SNCAIP: variants seen among roughly 807,000 people sequenced by gnomAD.
The protein encoded by SNCAIP is synphilin-1.
A neutral mutation model predicts 86.7 loss-of-function variants in SNCAIP; 43 were observed. The ratio of observed to expected loss-of-function variants is 0.50; its 90% CI spans 0.39 to 0.64. The LOEUF (loss-of-function observed/expected upper bound fraction) is 0.64. Among genes scored for constraint, SNCAIP ranks in the 30% least tolerant of loss-of-function variants. The pLI is 0.00. For synonymous variants in SNCAIP, 417 were observed against 427.2 expected (o/e 0.98, Z 0.29); for missense variants, 981 against 1,103.1 (o/e 0.89, Z 1.57).
At chr5:122,446,860 G>C (rs889195813) in intron 8 of SNCAIP, among the ~76,000 whole-genome samples, 13 of 152,188 alleles carry the variant, frequency 8.5e-5, no homozygotes, top group African/African-American at 3.1e-4. Context: ...CAACTCCTCA[G>C]AGTTAATAAA....
intron 1 of SNCAIP, among the ~76,000 whole-genome samples, chr5:122,364,961 A>G (rs1762865483): frequency 1.3e-5 from 2 of 152,202 alleles, no homozygotes; most frequent in African/African-American, 2.4e-5. Context: ...GAAAACATAG[A>G]AAAGAATAAC....
At chr5:122,376,358 A>T (rs1173148311) in intron 1 of SNCAIP, among the ~76,000 whole-genome samples, 3 of 152,160 alleles carry the variant, frequency 2.0e-5, no homozygotes, top group African/African-American at 7.2e-5. Flanking sequence ...AAAATAAAGC[A>T]TAACCATTTC....
At chr5:122,345,636 C>T (rs549170018) in intron 1 of SNCAIP, among the ~76,000 whole-genome samples, 3 of 152,160 alleles carry the variant, frequency 2.0e-5, no homozygotes, top group South Asian at 4.1e-4. Context: ...TATAATATGG[C>T]CATATTTTAT....
At chr5:122,432,729 G>A (rs1778654917) in intron 6 of SNCAIP, among the ~76,000 whole-genome samples, 1 of 151,894 alleles carries the variant, frequency 6.6e-6, no homozygotes, top group Admixed American at 6.6e-5. Flanking sequence ...ACATTAATTA[G>A]TGTACACAGA....
chr5:122,410,159 G>A (rs1238170599), intron 3 of SNCAIP, among the ~76,000 whole-genome samples: 2 of 152,026 alleles, frequency 1.3e-5, no homozygotes, highest in African/African-American at 4.8e-5. Flanking sequence ...AATTATAAAG[G>A]TGATATGATC....
intron 1 of SNCAIP, among the ~76,000 whole-genome samples, chr5:122,378,996 G>A (rs1766029510): frequency 7.8e-6 from 1 of 127,512 alleles, no homozygotes; most frequent in South Asian, 3.3e-4. Flanking sequence ...TTGTTCTTTT[G>A]GCTTAGGATT....
intron 1 of SNCAIP, among the ~76,000 whole-genome samples, chr5:122,374,558 C>T (rs1764905066): frequency 6.6e-6 from 1 of 152,084 alleles, no homozygotes; most frequent in Non-Finnish European, 1.5e-5. Context: ...TCATAGCGCT[C>T]ATCAACAGTT....
At chr5:122,378,922 A>G (rs1766007622) in intron 1 of SNCAIP, among the ~76,000 whole-genome samples, 3 of 143,844 alleles carry the variant, frequency 2.1e-5, no homozygotes, top group Non-Finnish European at 3.0e-5. Flanking sequence ...TACCAGTACC[A>G]TGCTGTTTTG....
At chr5:122,443,967 C>T (rs1781708219) in intron 7 of SNCAIP, 1 of 411,842 alleles carries the variant, frequency 2.4e-6, no homozygotes, top group African/African-American at 2.1e-5. Flanking sequence ...GAAGCTCACA[C>T]AAAGCTTTCT....
chr5:122,420,322 C>G (rs1242069662), intron 3 of SNCAIP, among the ~76,000 whole-genome samples: 1 of 152,160 alleles, frequency 6.6e-6, no homozygotes, highest in Non-Finnish European at 1.5e-5. Context: ...TTCCCTGTAT[C>G]ACTTGGAAAA....
upstream of SNCAIP, chr5:122,312,129 C>A (rs1021046077): frequency 6.7e-6 from 1 of 149,138 alleles, no homozygotes; most frequent in South Asian, 2.1e-4. Context: ...GAGCGGCGCC[C>A]GCGGCCGGGC....
chr5:122,374,655 T>G (rs757555410), intron 1 of SNCAIP, among the ~76,000 whole-genome samples: 12 of 152,144 alleles, frequency 7.9e-5, no homozygotes, highest in Non-Finnish European at 1.3e-4. Context: ...CATTAAGCTA[T>G]TATATGTTAA....
chr5:122,343,970 T>G (rs1758091117), intron 1 of SNCAIP, among the ~76,000 whole-genome samples: 1 of 152,202 alleles, frequency 6.6e-6, no homozygotes, highest in Non-Finnish European at 1.5e-5. Context: ...AATTTATTTT[T>G]TCTTTTTCTT....
At chr5:122,404,730 G>A (rs906061959) in intron 3 of SNCAIP, among the ~76,000 whole-genome samples, 1 of 152,140 alleles carries the variant, frequency 6.6e-6, no homozygotes, top group African/African-American at 2.4e-5. Context: ...AAATAGATGT[G>A]CCTTACCTAT....
At chr5:122,358,195 GTGTGTGTGTA>G (rs1308142323) in intron 1 of SNCAIP, among the ~76,000 whole-genome samples, 45 of 100,546 alleles carry the variant, frequency 4.5e-4, no homozygotes, top group African/African-American at 1.2e-3. Context: ...GTGTGTGTGT[GTGTGTGTGTA>G]TATATATATA....
chr5:122,349,927 C>G (rs993666804), intron 1 of SNCAIP, among the ~76,000 whole-genome samples: 1 of 152,138 alleles, frequency 6.6e-6, no homozygotes, highest in African/African-American at 2.4e-5. Context: ...CTTCCACAGC[C>G]CTTTGCTCCC....
chr5:122,315,118 C>A (rs1343622192), intron 1 of SNCAIP, among the ~76,000 whole-genome samples: 1 of 152,150 alleles, frequency 6.6e-6, no homozygotes, highest in African/African-American at 2.4e-5. Flanking sequence ...CTTAAAATTG[C>A]CACTATAGCT....
At chr5:122,447,337 C>T (rs1391837376) in intron 8 of SNCAIP, among the ~76,000 whole-genome samples, 2 of 152,168 alleles carry the variant, frequency 1.3e-5, no homozygotes, top group Admixed American at 1.3e-4. Context: ...CTTACAGCAG[C>T]CCTGTCAAAC....
chr5:122,423,608 G>A lies in SNCAIP; in HGVS notation c.871G>A (p.Glu291Lys). The A allele has an allele frequency of 6.2e-7, 1 of 1,614,034 alleles. No individual in the cohort carries two copies. The highest frequency in any genetic ancestry group is 8.5e-7 in the Non-Finnish European group (1 of 1,180,034). The change falls in exon 4 of 11, where the codon GAA becomes AAA. Residue 291 changes from glutamate (E) to lysine (K), a missense_variant. By Grantham distance (56) the Glu-to-Lys change is moderately conservative. Transcript: ENST00000261368. ...CTTCCACCTACAATCCTCAGCAGCA[G>A]AATCCAAACCAGAAGAGCAGGTCAG... ...RAFHLQSSAA[E>K]SKPEEQVSGL... is the part of the protein sequence containing the mutation.
Sources: gnomAD v4.1 joint callset for allele counts (sites outside exome capture counted in the v4.1 genomes callset) on GRCh38, gnomAD v4.1.1 for gene constraint, MANE v1.5 for transcripts, NCBI Gene and HGNC (gene_info 2026-07-23, HGNC 2026-07-21) for gene names.